Variants in FRMPD4 observed in about 807,000 individuals in gnomAD.
The protein encoded by FRMPD4 is FERM and PDZ domain-containing protein 4.
FRMPD4 carries 22 observed loss-of-function variants against 94.1 expected under a neutral mutation model. That is an observed-to-expected ratio of 0.23 (90% confidence interval 0.17 to 0.33). FRMPD4 has a LOEUF of 0.33. FRMPD4 is among the 10% of genes least tolerant of loss of function. FRMPD4 has a pLI of 1.00. For missense variants in FRMPD4, 1,111 were observed against 1,339.9 expected (o/e 0.83, Z 2.67); for synonymous variants, 631 against 548.6 (o/e 1.15, Z -2.10).
At chrX:11,988,077 A>C (rs753083168) in intron 3 of FRMPD4, among the ~76,000 whole-genome samples, 1 of 97,079 alleles carries the variant, frequency 1.0e-5, no homozygotes, top group Admixed American at 1.1e-4. Context: ...ACAGAAATAG[A>C]AAAAAACAAC....
At chrX:12,547,510 T>C (rs940935182) in intron 2 of FRMPD4, among the ~76,000 whole-genome samples, 1 of 112,277 alleles carries the variant, frequency 8.9e-6, no homozygotes, top group Non-Finnish European at 1.9e-5. Context: ...CATTGGAACA[T>C]AGCTACTCCT....
intron 1 of FRMPD4, among the ~76,000 whole-genome samples, chrX:12,480,189 C>T (rs1435030826): frequency 2.7e-5 from 3 of 109,979 alleles, no homozygotes; most frequent in African/African-American, 9.9e-5. Flanking sequence ...TGGCCAAAAT[C>T]CCAGAATCAG....
At chrX:12,666,882 C>T (rs905427367) in intron 4 of FRMPD4, among the ~76,000 whole-genome samples, 56 of 111,979 alleles carry the variant, frequency 5.0e-4, no homozygotes, top group African/African-American at 1.8e-3. Context: ...ACTAGAGAAG[C>T]AAGAGCAAAC....
intron 1 of FRMPD4, among the ~76,000 whole-genome samples, chrX:12,171,954 AC>A (rs2056233604): frequency 9.0e-6 from 1 of 110,655 alleles, no homozygotes; most frequent in Non-Finnish European, 1.9e-5. Context: ...GATGCTGGTT[AC>A]CCTCCTCCCA....
chrX:12,414,272 C>T (rs61611241), intron 1 of FRMPD4, among the ~76,000 whole-genome samples: 1,574 of 112,185 alleles, frequency 0.014, 28 homozygotes, highest in African/African-American at 0.047. Context: ...CTTTGATCTG[C>T]CCATTTTCAA....
intron 2 of FRMPD4, among the ~76,000 whole-genome samples, chrX:12,537,474 A>G (rs1484364843): frequency 2.0e-5 from 2 of 99,259 alleles, no homozygotes; most frequent in Non-Finnish European, 4.0e-5. Flanking sequence ...TTTTTTTGAG[A>G]CAGAGTCTCC....
intron 4 of FRMPD4, among the ~76,000 whole-genome samples, chrX:12,653,733 TA>T (rs35537156): frequency 0.15 from 13,808 of 93,282 alleles, 998 homozygotes; most frequent in African/African-American, 0.28. Context: ...TATGACTTAC[TA>T]AAAAAAAAAA....
intron 1 of FRMPD4, among the ~76,000 whole-genome samples, chrX:12,182,522 T>G (rs1026750292): frequency 9.1e-6 from 1 of 109,724 alleles, no homozygotes; most frequent in Non-Finnish European, 1.9e-5. Flanking sequence ...CAGTCCCACC[T>G]TCTATCTAAA....
At chrX:12,509,796 A>C (rs2058025072) in intron 2 of FRMPD4, among the ~76,000 whole-genome samples, 1 of 112,037 alleles carries the variant, frequency 8.9e-6, no homozygotes, top group Non-Finnish European at 1.9e-5. Flanking sequence ...ATAATAAGAC[A>C]CTAAACGTTT....
intron 1 of FRMPD4, among the ~76,000 whole-genome samples, chrX:12,212,221 T>A (rs1029106615): frequency 2.7e-5 from 3 of 111,429 alleles, no homozygotes; most frequent in South Asian, 7.5e-4. Context: ...AAAAAAAAAA[T>A]TTTAACCCTC....
intron 1 of FRMPD4, among the ~76,000 whole-genome samples, chrX:12,469,298 G>A (rs1393995831): frequency 1.8e-5 from 2 of 111,134 alleles, no homozygotes; most frequent in Non-Finnish European, 3.8e-5. Context: ...CACCCAGGCT[G>A]GAGTGCAATG....
chrX:11,843,013 G>A (rs2053547987), intron 1 of FRMPD4, among the ~76,000 whole-genome samples: 1 of 111,951 alleles, frequency 8.9e-6, no homozygotes, highest in African/African-American at 3.2e-5. Flanking sequence ...TCATGAATAG[G>A]TGGTAGATTT....
At chrX:12,583,342 G>A in intron 2 of FRMPD4, 1 of 564,249 alleles carries the variant, frequency 1.8e-6, no homozygotes, top group East Asian at 3.5e-5. Flanking sequence ...TCTTTTGGGG[G>A]AAAGGGATGA....
At chrX:12,113,234 C>T (rs1298139634) in intron 3 of FRMPD4, among the ~76,000 whole-genome samples, 7 of 112,029 alleles carry the variant, frequency 6.2e-5, no homozygotes, top group African/African-American at 1.3e-4. Flanking sequence ...CTGAACTCTT[C>T]GATTAAACTA....
At chrX:12,426,706 A>C (rs2056948581) in intron 1 of FRMPD4, among the ~76,000 whole-genome samples, 1 of 111,335 alleles carries the variant, frequency 9.0e-6, no homozygotes, top group African/African-American at 3.3e-5. Flanking sequence ...CCCTTCCATA[A>C]TCACAGAAGG....
At chrX:12,438,609 A>G (rs2057097163) in intron 1 of FRMPD4, among the ~76,000 whole-genome samples, 2 of 111,286 alleles carry the variant, frequency 1.8e-5, no homozygotes, top group African/African-American at 6.5e-5. Context: ...GAGAACTTAG[A>G]TTAAGTCAGA....
At chrX:11,826,410 C>T (rs2053443595) in intron 1 of FRMPD4, among the ~76,000 whole-genome samples, 1 of 111,512 alleles carries the variant, frequency 9.0e-6, no homozygotes, top group Non-Finnish European at 1.9e-5. Flanking sequence ...TGAGCTCATT[C>T]GCTCTGCCCT....
intron 3 of FRMPD4, among the ~76,000 whole-genome samples, chrX:11,998,799 T>A (rs924135657): frequency 8.9e-6 from 1 of 112,026 alleles, no homozygotes; most frequent in African/African-American, 3.2e-5. Flanking sequence ...TTTTTATTTC[T>A]TAGTATTGAT....
intron 1 of FRMPD4, among the ~76,000 whole-genome samples, chrX:12,346,947 T>C (rs1019309158): frequency 8.9e-6 from 1 of 111,944 alleles, no homozygotes; most frequent in South Asian, 3.7e-4. Flanking sequence ...ATGAGTAATA[T>C]TTTTCATTGC....
Sources: allele counts gnomAD v4.1 joint callset (sites outside exome capture counted in the v4.1 genomes callset), GRCh38; gene constraint gnomAD v4.1.1; transcripts MANE v1.5; gene names NCBI Gene and HGNC (gene_info 2026-07-23, HGNC 2026-07-21).